The following CSMD1 variants were observed in gnomAD, a reference collection of about 807,000 sequenced individuals.
The protein encoded by CSMD1 is CUB and Sushi multiple domains 1, also known as CUB and sushi domain-containing protein 1.
In CSMD1, 213 loss-of-function variants were observed where a neutral mutation model predicts 417.5. The ratio of observed to expected loss-of-function variants is 0.51; its 90% CI spans 0.46 to 0.57. CSMD1 has a LOEUF of 0.57. Among genes scored for constraint, CSMD1 ranks in the 20% least tolerant of loss-of-function variants. CSMD1 has a pLI of 0.00. For synonymous variants in CSMD1, 2,862 were observed against 1,736.8 expected (o/e 1.65, Z -16.11); for missense variants, 6,923 against 4,529.7 (o/e 1.53, Z -15.17).
chr8:3,952,786 C>A (rs943646636), intron 5 of CSMD1, among the ~76,000 whole-genome samples: 2 of 152,098 alleles, frequency 1.3e-5, no homozygotes, highest in African/African-American at 2.4e-5. Flanking sequence ...AAAAGAAGTA[C>A]TTGATTATTA....
chr8:4,877,044 T>C (rs1002768108), intron 1 of CSMD1, among the ~76,000 whole-genome samples: 20 of 152,066 alleles, frequency 1.3e-4, no homozygotes, highest in Non-Finnish European at 2.6e-4. Flanking sequence ...GCATCCTCCT[T>C]ATGTGGAGAT....
chr8:3,769,885 T>C (rs1162824941), intron 5 of CSMD1, among the ~76,000 whole-genome samples: 2 of 152,236 alleles, frequency 1.3e-5, no homozygotes, highest in Admixed American at 1.3e-4. Flanking sequence ...AGAAGGGATG[T>C]AGCTCTTCAG....
intron 1 of CSMD1, among the ~76,000 whole-genome samples, chr8:4,813,355 A>G (rs1170831174): frequency 6.6e-6 from 1 of 152,184 alleles, no homozygotes; most frequent in Non-Finnish European, 1.5e-5. Flanking sequence ...TGGAAAAAAA[A>G]AATTAATAGA....
At chr8:3,794,507 G>C (rs1182074108) in intron 5 of CSMD1, among the ~76,000 whole-genome samples, 1 of 151,942 alleles carries the variant, frequency 6.6e-6, no homozygotes, top group Non-Finnish European at 1.5e-5. Flanking sequence ...GCATTACATT[G>C]TATTGTGTGT....
At chr8:4,460,012 C>A (rs956935524) in intron 2 of CSMD1, among the ~76,000 whole-genome samples, 3 of 152,102 alleles carry the variant, frequency 2.0e-5, no homozygotes, top group Non-Finnish European at 2.9e-5. Context: ...TACTATAAAC[C>A]AACTGGAATG....
chr8:4,077,248 A>G (rs1277197620), intron 3 of CSMD1, among the ~76,000 whole-genome samples: 3 of 138,706 alleles, frequency 2.2e-5, no homozygotes, highest in Non-Finnish European at 3.1e-5. Flanking sequence ...TTCTCTACTG[A>G]CACCTCCCAC....
In CSMD1 at chr8:3,863,610, G is replaced by A. The variant is rs535937567; in HGVS notation, c.819-109568C>T. On this transcript the variant is annotated intron_variant, in intron 5 of 69. Coordinates refer to ENST00000635120, the MANE Select transcript of CSMD1 (RefSeq NM_033225.6). ...AGCCTGACATCAAACCTTGCAGTAG[G>A]ATGTATGTTTTGTTCACTTCAGCTA... 3.3e-5 allele frequency among the ~76,000 whole-genome samples: 5 copies of A among 152,124 alleles called. No individual in the cohort carries two copies. The South Asian group carries it at 8.3e-4, about 25-fold the overall frequency.
chr8:3,993,599 C>G (rs1585096522), intron 5 of CSMD1, among the ~76,000 whole-genome samples: 1 of 152,162 alleles, frequency 6.6e-6, no homozygotes, highest in Non-Finnish European at 1.5e-5. Context: ...CCCAGAGTTT[C>G]CCTTGTAAAC....
intron 3 of CSMD1, among the ~76,000 whole-genome samples, chr8:4,362,204 C>G (rs1021547189): frequency 1.3e-5 from 2 of 152,188 alleles, no homozygotes; most frequent in South Asian, 2.1e-4. Flanking sequence ...TCTGTATTTT[C>G]CAAAGGATCC....
chr8:3,835,988 T>C (rs1485542897), intron 5 of CSMD1, among the ~76,000 whole-genome samples: 1 of 152,174 alleles, frequency 6.6e-6, no homozygotes, highest in African/African-American at 2.4e-5. Context: ...TTATTATTTC[T>C]ATAAGATTCT....
Position 4,793,641 on chromosome 8 carries a change from T to C in CSMD1, c.86-156083A>G, listed in dbSNP as rs1013506462. Among the ~76,000 whole-genome samples, 3 of 152,176 alleles carry C rather than the reference T, an allele frequency of 2.0e-5. No homozygotes were observed. In the East Asian group the frequency reaches 5.8e-4, roughly 29 times the overall value. On this transcript the variant is annotated intron_variant, in intron 1 of 69. Transcript: ENST00000635120. ...CAAAAAAAAATACAGCACTAATTAT[T>C]GCTGTCAATAGCAATGTTGACGCCT...
Position 3,645,732 on chromosome 8 carries a change from G to A in CSMD1, c.1010-28935C>T, listed in dbSNP as rs75544128. ...CTCTGCAAGGAACATGGAAGCTGCTGGCATCTGGAGGCAAAAGTTAGGTTA... is the reference window on the plus strand; with the variant it reads ...CTCTGCAAGGAACATGGAAGCTGCTAGCATCTGGAGGCAAAAGTTAGGTTA... On this transcript the variant is annotated intron_variant, in intron 7 of 69. Transcript: ENST00000635120. Among the ~76,000 whole-genome samples the A allele has an allele frequency of 1.9e-3, 282 of 152,284 alleles. 1 individual carries two copies. Among genetic ancestry groups the A allele is most frequent in the African/African-American group, 6.5e-3 (270 of 41,570 alleles).
chr8:3,187,575 A>C (rs10216614), intron 36 of CSMD1, among the ~76,000 whole-genome samples: 41,234 of 151,820 alleles, frequency 0.27, 6,238 homozygotes, highest in Non-Finnish European at 0.36. Context: ...CCTCTTTGCT[A>C]CCTCACATTA....
At chr8:3,108,017 C>T (rs988960772) in intron 44 of CSMD1, among the ~76,000 whole-genome samples, 3 of 152,082 alleles carry the variant, frequency 2.0e-5, no homozygotes, top group African/African-American at 7.2e-5. Context: ...AAAAAGTGTA[C>T]AATTATTTTT....
chr8:3,597,195 C>T (rs1000204412), intron 8 of CSMD1, among the ~76,000 whole-genome samples: 1 of 152,158 alleles, frequency 6.6e-6, no homozygotes, highest in Non-Finnish European at 1.5e-5. Context: ...GAAGGGGACA[C>T]AGGAACTGAG....
rs75122610 is a variant in CSMD1, at chr8:4,490,430, A to G, written c.303-70365T>C. Among the ~76,000 whole-genome samples the G allele has an allele frequency of 2.5e-3, 383 of 152,288 alleles. 1 individual carries two copies. Among genetic ancestry groups the G allele is most frequent in the African/African-American group, 8.8e-3 (365 of 41,544 alleles). On this transcript the variant is annotated intron_variant, in intron 2 of 69. Transcript: ENST00000635120. ...GTATTTCACATCTGTCCTATCTACT[A>G]TTGGTTTTAACTTTTAGTTTTTTAA...
intron 2 of CSMD1, among the ~76,000 whole-genome samples, chr8:4,480,930 T>C (rs1317892733): frequency 6.6e-6 from 1 of 152,182 alleles, no homozygotes; most frequent in Non-Finnish European, 1.5e-5. Flanking sequence ...TCTTAGTGAC[T>C]GGCCCTAGAA....
chr8:3,002,466 C>T (rs991790821), intron 52 of CSMD1, among the ~76,000 whole-genome samples: 1 of 152,136 alleles, frequency 6.6e-6, no homozygotes, highest in African/African-American at 2.4e-5. Flanking sequence ...TTTCTAGAAA[C>T]ACACAAGAAA....
intron 20 of CSMD1, among the ~76,000 whole-genome samples, chr8:3,365,965 G>C (rs1234347042): frequency 1.3e-5 from 2 of 152,158 alleles, no homozygotes; most frequent in Non-Finnish European, 2.9e-5. Flanking sequence ...TTCAGTTTTG[G>C]TTTGGGAGAT....
Sources: allele counts gnomAD v4.1 joint callset (sites outside exome capture counted in the v4.1 genomes callset), GRCh38; gene constraint gnomAD v4.1.1; transcripts MANE v1.5; gene names NCBI Gene and HGNC (gene_info 2026-07-23, HGNC 2026-07-21).